PRKN: variants seen among roughly 807,000 people sequenced by gnomAD.
PRKN encodes the protein parkin RBR E3 ubiquitin protein ligase, also known as E3 ubiquitin-protein ligase parkin.
In PRKN, 56 loss-of-function variants were observed where a neutral mutation model predicts 59.5. That is an observed-to-expected ratio of 0.94 (90% CI 0.76 to 1.18). The LOEUF (loss-of-function observed/expected upper bound fraction) is 1.18. Ranked by LOEUF, PRKN falls within the 50% of genes most tolerant of loss-of-function variation. The probability of loss-of-function intolerance (pLI) is 0.00; values close to 1 mark genes in which losing one functional copy is unlikely to be tolerated. For synonymous variants in PRKN, 250 were observed against 222.1 expected (o/e 1.13, Z -1.12); for missense variants, 657 against 596.4 (o/e 1.10, Z -1.06).
chr6:161,975,536 C>A (rs1249905488), intron 5 of PRKN, among the ~76,000 whole-genome samples: 1 of 152,160 alleles, frequency 6.6e-6, no homozygotes, highest in Admixed American at 6.5e-5. Context: ...AATTTACTAA[C>A]CTCATCCTCC....
At chr6:162,089,040 A>C (rs568693583) in intron 4 of PRKN, among the ~76,000 whole-genome samples, 73 of 152,340 alleles carry the variant, frequency 4.8e-4, no homozygotes, top group African/African-American at 1.6e-3. Flanking sequence ...ATGAGCGAAC[A>C]AAGACAACAT....
rs557777050 is a variant in PRKN, at chr6:162,136,811, C to G, written c.534+64320G>C. Among the ~76,000 whole-genome samples the G allele has an allele frequency of 2.6e-4, 40 of 152,236 alleles. No individual in the cohort carries two copies. The South Asian group carries it at 5.0e-3, about 19-fold the overall frequency. ...ATTCCAAGTAACAAAGCTAGGGCCT[C>G]TGCTTATTGTTTATTGTCAGTTGCC... On this transcript the variant is annotated intron_variant, in intron 4 of 11. Coordinates refer to ENST00000366898, the MANE Select transcript of PRKN (RefSeq NM_004562.3).
At chr6:161,692,914 C>G (rs370585938) in intron 7 of PRKN, among the ~76,000 whole-genome samples, 11 of 147,164 alleles carry the variant, frequency 7.5e-5, no homozygotes, top group African/African-American at 2.3e-4. Flanking sequence ...TACCACTGCA[C>G]TCTAACCTGG....
At chr6:162,526,916 C>T (rs2846477) in intron 1 of PRKN, among the ~76,000 whole-genome samples, 111,040 of 152,036 alleles carry the variant, frequency 0.73, 41,435 homozygotes, top group African/African-American at 0.81. Context: ...AGATGGGTCA[C>T]TCCCTAAGTA....
At chr6:161,489,601 T>C (rs1583143207) in intron 9 of PRKN, among the ~76,000 whole-genome samples, 2 of 152,188 alleles carry the variant, frequency 1.3e-5, no homozygotes, top group Non-Finnish European at 2.9e-5. Context: ...CAAATTTCTA[T>C]ATTTAAAAAT....
chr6:161,877,763 C>A (rs939846817), intron 6 of PRKN, among the ~76,000 whole-genome samples: 2 of 152,044 alleles, frequency 1.3e-5, no homozygotes, highest in African/African-American at 4.8e-5. Flanking sequence ...CCACCACGCC[C>A]GGCCCATATT....
chr6:162,360,372 A>G lies in PRKN; in HGVS notation c.171+82938T>C, dbSNP rs149388145. Among the ~76,000 whole-genome samples, 70 of 152,268 alleles carry G rather than the reference A, an allele frequency of 4.6e-4. No homozygotes were observed. In the East Asian group the frequency reaches 9.5e-3, roughly 21 times the overall value. On this transcript the variant is annotated intron_variant, in intron 2 of 11. Coordinates refer to ENST00000366898, the MANE Select transcript of PRKN (RefSeq NM_004562.3). ...TGCCACATTCACATATACATCCCCT[A>G]ACATTTGCATTTATTCAGTTTCCTT...
chr6:161,532,689 G>A (rs554232810), intron 9 of PRKN, among the ~76,000 whole-genome samples: 8 of 152,176 alleles, frequency 5.3e-5, no homozygotes, highest in Admixed American at 1.3e-4. Flanking sequence ...CGGGAGAGAC[G>A]CCCACGTGGT....
intron 1 of PRKN, among the ~76,000 whole-genome samples, chr6:162,671,712 A>G (rs1280368938): frequency 6.6e-6 from 1 of 152,078 alleles, no homozygotes; most frequent in Non-Finnish European, 1.5e-5. Context: ...GGAAATACGA[A>G]AAATATACAT....
chr6:162,639,633 G>C (rs570687668), intron 1 of PRKN, among the ~76,000 whole-genome samples: 2 of 152,024 alleles, frequency 1.3e-5, no homozygotes, highest in Non-Finnish European at 2.9e-5. Context: ...CAAAGCAACA[G>C]AAAATCAAAG....
chr6:161,819,162 A>G (rs899058810), intron 6 of PRKN, among the ~76,000 whole-genome samples: 13 of 152,206 alleles, frequency 8.5e-5, no homozygotes, highest in Non-Finnish European at 1.6e-4. Context: ...TAAAAAATAA[A>G]GGGGATACAT....
rs1413269980 is a variant in PRKN at position 162,573,725 on chromosome 6, T to G, written c.8-130252A>C. ...AATTTGGCTAGCATCTTTCCGTACT[T>G]TTCTCTTATTTGTACAAACGTGAAA... On this transcript the variant is annotated intron_variant, in intron 1 of 11. Coordinates refer to ENST00000366898, the MANE Select transcript of PRKN (RefSeq NM_004562.3). Among the ~76,000 whole-genome samples the G allele has an allele frequency of 2.0e-5, 3 of 152,198 alleles. No individual in the cohort carries two copies. In the East Asian group the frequency reaches 5.8e-4, roughly 29 times the overall value.
chr6:161,879,774 TTTCATTTTCAACC>T (rs2128229210), intron 6 of PRKN, among the ~76,000 whole-genome samples: 1 of 152,316 alleles, frequency 6.6e-6, no homozygotes, highest in African/African-American at 2.4e-5. Flanking sequence ...ATAGAGTCTT[TTTCATTTTCAACC>T]TTCTAATTTT....
In PRKN at chr6:161,462,135, C is replaced by A. The variant is rs1440941848; in HGVS notation, c.1084-75258G>T. ...GAGCGGGGACTCACTACGGTAGGGA[C>A]CTACACATGCTTTGTCTCATCCTTT... is the stretch of plus-strand genomic sequence containing the variant. On this transcript the variant is annotated intron_variant, in intron 9 of 11. Coordinates refer to ENST00000366898, the MANE Select transcript of PRKN (RefSeq NM_004562.3). The surrounding 1 kb of genome is among the most constrained non-coding windows in gnomAD (Gnocchi z 4.5). 6.6e-6 allele frequency among the ~76,000 whole-genome samples: 1 copy of A among 151,556 alleles called. No homozygotes were observed. Among genetic ancestry groups the A allele is most frequent in the Non-Finnish European group, 1.5e-5 (1 of 67,876 alleles).
At chr6:162,385,982 T>A (rs569385744) in intron 2 of PRKN, among the ~76,000 whole-genome samples, 24 of 152,192 alleles carry the variant, frequency 1.6e-4, no homozygotes, top group African/African-American at 5.8e-4. Flanking sequence ...CTCAGTATAA[T>A]CTTGGAAAAA....
rs146217625 is a variant in PRKN at position 162,153,447 on chromosome 6, C to T, written c.534+47684G>A. 1.7e-3 allele frequency among the ~76,000 whole-genome samples: 253 copies of T among 152,346 alleles called. 2 individuals carry two copies. The highest frequency in any genetic ancestry group is 5.8e-3 in the African/African-American group (243 of 41,584). On this transcript the variant is annotated intron_variant, in intron 4 of 11. Coordinates refer to ENST00000366898, the MANE Select transcript of PRKN (RefSeq NM_004562.3). ...ATGTTACAATGCTCTCTTAGGTCTG[C>T]TGTCAGCAGACAACAGTGTGTTATC... is the stretch of plus-strand genomic sequence containing the variant.
At chr6:162,558,875 C>G (rs1779722425) in intron 1 of PRKN, among the ~76,000 whole-genome samples, 1 of 152,014 alleles carries the variant, frequency 6.6e-6, no homozygotes, top group Non-Finnish European at 1.5e-5. Context: ...TTCCGGAGCT[C>G]AAGTGATCTG....
chr6:162,059,139 C>A (rs1201722421), intron 4 of PRKN, among the ~76,000 whole-genome samples: 5 of 152,030 alleles, frequency 3.3e-5, no homozygotes, highest in Non-Finnish European at 7.4e-5. Context: ...CTAATAGCAA[C>A]TAAAATATTT....
chr6:162,352,278 T>C (rs956365779), intron 2 of PRKN, among the ~76,000 whole-genome samples: 8 of 152,258 alleles, frequency 5.3e-5, no homozygotes, highest in Admixed American at 2.6e-4. Context: ...GTGCTTCACG[T>C]AGTCTATGAA....
Sources: allele counts gnomAD v4.1 joint callset (sites outside exome capture counted in the v4.1 genomes callset), GRCh38; gene constraint gnomAD v4.1.1; non-coding constraint Gnocchi (gnomAD v3.1); transcripts MANE v1.5; gene names NCBI Gene and HGNC (gene_info 2026-07-23, HGNC 2026-07-21).